CPSF7: variants seen among roughly 807,000 people sequenced by gnomAD.
CPSF7 encodes the protein cleavage and polyadenylation specific factor 7.
Under a neutral mutation model 44.3 loss-of-function variants are expected in CPSF7, and 1 was observed. The observed-to-expected ratio is 0.02, with a 90% CI of 0.01 to 0.11. The LOEUF (loss-of-function observed/expected upper bound fraction) is 0.11. Among genes scored for constraint, CPSF7 ranks in the 10% least tolerant of loss-of-function variants. CPSF7 has a pLI of 1.00. For synonymous variants in CPSF7, 202 were observed against 222.0 expected (o/e 0.91, Z 0.80); for missense variants, 443 against 607.2 (o/e 0.73, Z 2.84).
intron 2 of CPSF7, among the ~76,000 whole-genome samples, chr11:61,424,833 ACCAAACTGAGATTCCCTT>A (rs1861206018): frequency 6.6e-6 from 1 of 152,214 alleles, no homozygotes; most frequent in Non-Finnish European, 1.5e-5. Context: ...ATCGAATGGA[ACCAAACTGAGATTCCCTT>A]CCATGCAGTA....
chr11:61,420,136 G>C, intron 4 of CPSF7, 42 bp from the exon 5 acceptor site: 1 of 1,484,968 alleles, frequency 6.7e-7, no homozygotes, highest in Non-Finnish European at 9.2e-7. Flanking sequence ...TCTGTAGACA[G>C]CCAAGAGAAG....
chr11:61,423,882 G>C (rs1479360465), intron 2 of CPSF7, among the ~76,000 whole-genome samples: 4 of 152,332 alleles, frequency 2.6e-5, no homozygotes, highest in East Asian at 1.9e-4. Context: ...TACAGTGGAA[G>C]AAAATGCACA....
intron 2 of CPSF7, chr11:61,426,730 C>T (rs1201214576): frequency 6.6e-6 from 1 of 152,086 alleles, no homozygotes; most frequent in Non-Finnish European, 1.5e-5. Context: ...AAAAGCTTTT[C>T]ATTAATAACA....
intron 9 of CPSF7, among the ~76,000 whole-genome samples, chr11:61,409,839 G>C (rs888590604): frequency 6.6e-6 from 1 of 151,994 alleles, no homozygotes; most frequent in East Asian, 1.9e-4. Flanking sequence ...CGGGCGTGGT[G>C]ACGCGCGCCT....
intron 2 of CPSF7, among the ~76,000 whole-genome samples, chr11:61,426,045 A>G (rs995445619): frequency 6.6e-6 from 1 of 152,252 alleles, no homozygotes; most frequent in African/African-American, 2.4e-5. Flanking sequence ...AAGAGAGCCA[A>G]TGTGAATCCC....
rs1861812182 is a variant in CPSF7, at chr11:61,429,960, G to C, written c.-102C>G. The C allele has an allele frequency of 1.5e-6, 2 of 1,312,940 alleles. No individual in the cohort carries two copies. The highest frequency in any genetic ancestry group is 1.0e-6 in the Non-Finnish European group (1 of 974,728). 81.3% of individuals were successfully genotyped at this position (1,312,940 alleles called of 1,614,324 possible). A position where few individuals can be genotyped will look rare whatever the true frequency, so the allele number is the denominator to read the frequency against. On this transcript the variant is annotated 5_prime_UTR_variant, in exon 1 of 10. Coordinates refer to ENST00000439958, the MANE Select transcript of CPSF7 (RefSeq NM_001142565.3). ...GGCGAGTCCGGACTAGGCCCGAAGC[G>C]CGCGAACCGCTCTCCGCCCCAGGTC... is the stretch of plus-strand genomic sequence containing the variant.
At chr11:61,427,296 T>A (rs1861460329) in intron 2 of CPSF7, 1 of 151,852 alleles carries the variant, frequency 6.6e-6, no homozygotes, top group Non-Finnish European at 1.5e-5. Context: ...AAAACAATGA[T>A]TTTGTAACTA....
At chr11:61,412,376 G>A (rs1331889780) in intron 7 of CPSF7, among the ~76,000 whole-genome samples, 1 of 150,668 alleles carries the variant, frequency 6.6e-6, no homozygotes, top group East Asian at 2.0e-4. Flanking sequence ...TGCAAGCTCC[G>A]CCTCCCAGGT....
chr11:61,408,074 T>TTTTTTTTTTA (rs1859484105), intron 9 of CPSF7, among the ~76,000 whole-genome samples: 1 of 151,128 alleles, frequency 6.6e-6, no homozygotes, highest in African/African-American at 2.4e-5. Context: ...TTTTTTTTTT[T>TTTTTTTTTTA]GAGACAGAGT....
intron 9 of CPSF7, among the ~76,000 whole-genome samples, chr11:61,405,027 CTG>C (rs1389202150): frequency 2.0e-5 from 3 of 152,138 alleles, no homozygotes; most frequent in African/African-American, 7.2e-5. Flanking sequence ...AGTATGGAAA[CTG>C]TGACATATTT....
intron 5 of CPSF7, among the ~76,000 whole-genome samples, chr11:61,417,502 T>C (rs1305114637): frequency 3.9e-5 from 6 of 152,188 alleles, no homozygotes; most frequent in Non-Finnish European, 2.9e-5. Flanking sequence ...GTCTTGGAGA[T>C]AGAAAGATGC....
intron 5 of CPSF7, 163 bp downstream of exon 5, chr11:61,419,786 G>A: frequency 7.6e-6 from 6 of 791,766 alleles, no homozygotes; most frequent in African/African-American, 1.7e-5. Context: ...CCTATTCTGA[G>A]GACTACTTGT....
At chr11:61,415,845 A>G in intron 6 of CPSF7, 61 bp from the exon 7 acceptor site, 1 of 1,237,764 alleles carries the variant, frequency 8.1e-7, no homozygotes, top group Non-Finnish European at 1.2e-6. Context: ...ACTGTACTCT[A>G]CAACACTTTG....
rs749307947 is a variant in CPSF7, at chr11:61,416,478, C to T, written c.565G>A (p.Ala189Thr). The change falls in exon 6 of 10, where the codon GCT (alanine) becomes ACT (threonine). Residue 189 changes from alanine (A) to threonine (T), a missense_variant. Coordinates refer to ENST00000439958, the MANE Select transcript of CPSF7 (RefSeq NM_001142565.3). ...TCAGAGGGTGTGGCCCGTCCATCAG[C>T]AGAATCACTAGAATCTCGGGAATGG... ...RAHSRDSSDS[A>T]DGRATPSENL... 1.2e-6 allele frequency: 2 copies of T among 1,614,142 alleles called. No individual in the cohort carries two copies. The highest frequency in any genetic ancestry group is 1.1e-5 in the South Asian group (1 of 91,082).
At chr11:61,408,310 T>C (rs1240354611) in intron 9 of CPSF7, among the ~76,000 whole-genome samples, 5 of 152,074 alleles carry the variant, frequency 3.3e-5, no homozygotes, top group Admixed American at 2.6e-4. Context: ...GGTTTCACCA[T>C]GTTAGCCAGG....
intron 6 of CPSF7, 29 bp from the exon 7 acceptor site, chr11:61,415,813 G>A: frequency 7.0e-7 from 1 of 1,427,862 alleles, no homozygotes; most frequent in African/African-American, 1.4e-5. Flanking sequence ...ATCCTTGATT[G>A]CTCACATCCC....
chr11:61,420,382 G>A, intron 4 of CPSF7, 88 bp downstream of exon 4: 2 of 1,201,448 alleles, frequency 1.7e-6, no homozygotes, highest in Non-Finnish European at 2.4e-6. Flanking sequence ...AGGGGTGGGA[G>A]TGATTAAAAT....
intron 7 of CPSF7, among the ~76,000 whole-genome samples, chr11:61,414,547 A>T (rs979959908): frequency 1.1e-4 from 17 of 152,214 alleles, no homozygotes; most frequent in Non-Finnish European, 8.8e-5. Flanking sequence ...TGTGGATTCA[A>T]GTTTGGCAAG....
Position 61,416,305 on chromosome 11 carries a change from A to G in CPSF7, c.738T>C (p.Pro246=). The stretch of plus-strand genomic sequence containing the variant: ...GGTAGTGGATACCAGGAGGAGGAGG[A>G]GGGACCCCAAAGCTTGAGGAGAGAG... The part of the protein sequence containing the change: ...PPPLSSSFGV[P]PPPPGIHYQH... The change falls in exon 6 of 10, where the codon CCT becomes CCC. Residue 246 remains proline (P), a synonymous_variant. Transcript: ENST00000439958. 2.0e-6 allele frequency: 3 copies of G among 1,537,832 alleles called. No individual in the cohort carries two copies. The highest frequency in any genetic ancestry group is 1.2e-5 in the South Asian group (1 of 80,644).
Sources: allele counts gnomAD v4.1 joint callset (sites outside exome capture counted in the v4.1 genomes callset), GRCh38; gene constraint gnomAD v4.1.1; transcripts MANE v1.5; gene names NCBI Gene and HGNC (gene_info 2026-07-23, HGNC 2026-07-21).